NRG1: variants seen among roughly 807,000 people sequenced by gnomAD.
NRG1 encodes pro-neuregulin-1, membrane-bound isoform.
In NRG1, 18 loss-of-function variants were observed where a neutral mutation model predicts 63.8. That is an observed-to-expected ratio of 0.28 (90% CI 0.19 to 0.42). The LOEUF is 0.42. Among genes scored for constraint, NRG1 ranks in the 10% least tolerant of loss-of-function variants. NRG1 has a pLI of 1.00. For missense variants in NRG1, 762 were observed against 814.7 expected (o/e 0.94, Z 0.79); for synonymous variants, 302 against 301.3 (o/e 1.00, Z -0.02).
intron 1 of NRG1, among the ~76,000 whole-genome samples, chr8:32,149,529 T>C (rs1837269862): frequency 6.6e-6 from 1 of 152,170 alleles, no homozygotes. Flanking sequence ...AATACAAATT[T>C]CTCTGTAGTT....
intron 1 of NRG1, among the ~76,000 whole-genome samples, chr8:32,057,055 G>T (rs1294982283): frequency 6.6e-6 from 1 of 152,116 alleles, no homozygotes; most frequent in Non-Finnish European, 1.5e-5. Flanking sequence ...ACCAAATACA[G>T]TTTCTGGGAC....
intron 1 of NRG1, among the ~76,000 whole-genome samples, chr8:32,414,827 A>T (rs2129485703): frequency 6.6e-6 from 1 of 152,266 alleles, no homozygotes; most frequent in East Asian, 1.9e-4. Flanking sequence ...AAACCAGGTA[A>T]ATGTTAAGGT....
Position 31,954,264 on chromosome 8 carries a change from T to C in NRG1, c.37+314833T>C, listed in dbSNP as rs148214293. On this transcript the variant is annotated intron_variant, in intron 1 of 10. Coordinates refer to the NRG1 transcript ENST00000519301. ...CCATTTAGAGGTGAAGACACTGAAA[T>C]AACTTGAGAAAAGTGACTTGTCTCA... Among the ~76,000 whole-genome samples the C allele has an allele frequency of 7.5e-4, 114 of 152,232 alleles. No homozygotes were observed. In the East Asian group the frequency reaches 0.021, roughly 28 times the overall value.
chr8:31,995,966 A>G (rs1003676636), intron 1 of NRG1, among the ~76,000 whole-genome samples: 2 of 151,720 alleles, frequency 1.3e-5, no homozygotes, highest in African/African-American at 4.8e-5. Flanking sequence ...CCCCTTTGAA[A>G]TGCTATCATG....
intron 1 of NRG1, among the ~76,000 whole-genome samples, chr8:32,168,766 C>T (rs563712524): frequency 1.3e-5 from 2 of 152,298 alleles, no homozygotes; most frequent in African/African-American, 4.8e-5. Context: ...CAAATCTTAT[C>T]AACAAGGCCT....
intron 1 of NRG1, among the ~76,000 whole-genome samples, chr8:32,193,145 G>A (rs1028044344): frequency 2.0e-5 from 3 of 152,152 alleles, no homozygotes; most frequent in Non-Finnish European, 4.4e-5. Context: ...TAGGAAGACA[G>A]GACTAGTCAT....
intron 1 of NRG1, among the ~76,000 whole-genome samples, chr8:32,153,223 C>T (rs556765896): frequency 6.6e-6 from 1 of 152,126 alleles, no homozygotes; most frequent in Non-Finnish European, 1.5e-5. Context: ...CAGGGGCGAG[C>T]TTCCAGCTGG....
intron 1 of NRG1, among the ~76,000 whole-genome samples, chr8:32,027,189 G>A (rs1192053535): frequency 6.6e-6 from 1 of 152,048 alleles, no homozygotes; most frequent in Non-Finnish European, 1.5e-5. Context: ...TTTGTGAGTA[G>A]GGTAGTTTCA....
At chr8:32,300,806 G>A (rs191992901) in intron 1 of NRG1, among the ~76,000 whole-genome samples, 1 of 152,270 alleles carries the variant, frequency 6.6e-6, no homozygotes, top group East Asian at 1.9e-4. Context: ...TGTTGTTTTC[G>A]AGTCACAGAG....
chr8:31,648,424 G>C (rs940974338), intron 1 of NRG1, among the ~76,000 whole-genome samples: 1 of 152,026 alleles, frequency 6.6e-6, no homozygotes. Context: ...GAGCCACCGC[G>C]CCCGGCCCTA....
chr8:31,722,314 G>A (rs1812998467), intron 1 of NRG1, among the ~76,000 whole-genome samples: 1 of 151,936 alleles, frequency 6.6e-6, no homozygotes, highest in African/African-American at 2.4e-5. Context: ...ATTTCTTCCT[G>A]GCTCTTTGAC....
At chr8:31,942,568 C>T (rs1233121431) in intron 1 of NRG1, among the ~76,000 whole-genome samples, 1 of 151,896 alleles carries the variant, frequency 6.6e-6, no homozygotes, top group Non-Finnish European at 1.5e-5. Flanking sequence ...AGTTTCTGCA[C>T]AGCAAAAAAA....
chr8:31,871,670 A>G (rs1366488657), intron 1 of NRG1, among the ~76,000 whole-genome samples: 4 of 152,128 alleles, frequency 2.6e-5, no homozygotes, highest in African/African-American at 9.7e-5. Context: ...GCAAGGAAGC[A>G]AACTCCACAA....
intron 1 of NRG1, among the ~76,000 whole-genome samples, chr8:31,823,980 G>A (rs1824256264): frequency 6.6e-6 from 1 of 151,972 alleles, no homozygotes; most frequent in Non-Finnish European, 1.5e-5. Context: ...GTCTGTGATT[G>A]TAAGCTTTTA....
At chr8:32,027,788 T>G (rs1448400423) in intron 1 of NRG1, among the ~76,000 whole-genome samples, 1 of 151,970 alleles carries the variant, frequency 6.6e-6, no homozygotes, top group Admixed American at 6.6e-5. Flanking sequence ...GGGAGAGGGG[T>G]TTTTGTCCAA....
Position 32,008,188 on chromosome 8 carries a change from C to T in NRG1, c.37+368757C>T, listed in dbSNP as rs183389753. On this transcript the variant is annotated intron_variant, in intron 1 of 10. Coordinates refer to the NRG1 transcript ENST00000519301. ...GCTGCTTAGTGAAGAAGAGTGTCGG[C>T]TCACTTTTGTTCTTTCATATATTTA... Among the ~76,000 whole-genome samples, 1,119 of 152,062 alleles carry T rather than the reference C, an allele frequency of 7.4e-3. 16 individuals are homozygous for T. The highest frequency in any genetic ancestry group is 0.026 in the African/African-American group (1,074 of 41,510).
chr8:32,435,375 A>G (rs948105923), intron 1 of NRG1, among the ~76,000 whole-genome samples: 55 of 152,206 alleles, frequency 3.6e-4, no homozygotes, highest in Admixed American at 3.6e-3. Context: ...AGGAAGGGAA[A>G]GTTCACAAAT....
chr8:32,554,571 C>T (rs1298965113), intron 1 of NRG1, among the ~76,000 whole-genome samples: 1 of 152,064 alleles, frequency 6.6e-6, no homozygotes, highest in East Asian at 1.9e-4. Flanking sequence ...TTAAAAAAGC[C>T]TCTGCAGTAA....
At chr8:32,046,994 T>C (rs1432680042) in intron 1 of NRG1, among the ~76,000 whole-genome samples, 2 of 152,216 alleles carry the variant, frequency 1.3e-5, no homozygotes, top group Non-Finnish European at 2.9e-5. Context: ...CTAAACTCCA[T>C]AGCAGGCAAT....
Sources: allele counts gnomAD v4.1 joint callset (sites outside exome capture counted in the v4.1 genomes callset), GRCh38; gene constraint gnomAD v4.1.1; transcripts MANE v1.5; gene names NCBI Gene and HGNC (gene_info 2026-07-23, HGNC 2026-07-21).